LAMA2: variants seen among roughly 807,000 people sequenced by gnomAD.
LAMA2 encodes laminin subunit alpha 2, also known as laminin subunit alpha-2.
In LAMA2, 269 loss-of-function variants were observed where a neutral mutation model predicts 364.8. The observed-to-expected ratio is 0.74, with a 90% CI of 0.67 to 0.82. The LOEUF (loss-of-function observed/expected upper bound fraction) is 0.82. Among genes scored for constraint, LAMA2 ranks in the 40% least tolerant of loss-of-function variants. The pLI is 0.00. For synonymous variants in LAMA2, 1,379 were observed against 1,370.6 expected (o/e 1.01, Z -0.14); for missense variants, 3,807 against 3,873.2 (o/e 0.98, Z 0.45).
intron 6 of LAMA2, 116 bp downstream of exon 6, chr6:129,147,164 G>A (rs989771517): frequency 4.0e-6 from 3 of 749,710 alleles, no homozygotes; most frequent in Non-Finnish European, 4.9e-6. Flanking sequence ...CACTTAGACA[G>A]TGTAACAGAA....
In LAMA2 at chr6:129,388,268, A is replaced by AAAC. The variant is rs398002818; in HGVS notation, c.5072-3223_5072-3222insAAC. ...AAGACTCCATCTCAAAAAAAAAAAAACAAAAACAAACAAACAAAAAACTGG... is the reference window on the plus strand; with the variant it reads ...AAGACTCCATCTCAAAAAAAAAAAAAAACCAAAAACAAACAAACAAAAAACTGG... On this transcript the variant is annotated intron_variant, in intron 35 of 64. Transcript: ENST00000421865. 2.7e-3 allele frequency among the ~76,000 whole-genome samples: 408 copies of AAAC among 151,438 alleles called. 3 individuals carry two copies. The highest frequency in any genetic ancestry group is 9.7e-3 in the African/African-American group (401 of 41,326).
At chr6:129,254,798 C>G (rs752238203) in intron 14 of LAMA2, among the ~76,000 whole-genome samples, 1 of 152,148 alleles carries the variant, frequency 6.6e-6, no homozygotes, top group Non-Finnish European at 1.5e-5. Flanking sequence ...TTTAAATTAT[C>G]CAAGACTTGG....
At chr6:128,935,798 T>A (rs937987823) in intron 1 of LAMA2, among the ~76,000 whole-genome samples, 6 of 152,184 alleles carry the variant, frequency 3.9e-5, no homozygotes, top group African/African-American at 1.2e-4. Context: ...CTTGCCGAAT[T>A]GCTCTGACTA....
At chr6:129,507,706 G>C in intron 62 of LAMA2, 64 bp downstream of exon 62, 1 of 1,508,652 alleles carries the variant, frequency 6.6e-7, no homozygotes, top group African/African-American at 1.4e-5. Flanking sequence ...CTTCTTGCTA[G>C]TACCAAATAA....
intron 10 of LAMA2, among the ~76,000 whole-genome samples, chr6:129,185,619 A>T (rs941776486): frequency 1.3e-5 from 2 of 151,804 alleles, no homozygotes; most frequent in Non-Finnish European, 2.9e-5. Flanking sequence ...CATAAAATAT[A>T]TCTGGAGTAT....
intron 13 of LAMA2, 42 bp downstream of exon 13, chr6:129,250,255 G>A (rs757350424): frequency 1.7e-6 from 2 of 1,156,750 alleles, no homozygotes; most frequent in Admixed American, 1.7e-5. Context: ...ACTTCCTGAT[G>A]TTACTTAAGG....
intron 12 of LAMA2, among the ~76,000 whole-genome samples, chr6:129,220,316 A>C (rs1346204322): frequency 6.6e-6 from 1 of 152,240 alleles, no homozygotes; most frequent in Non-Finnish European, 1.5e-5. Flanking sequence ...AAAAAACACT[A>C]GTGCTTACCA....
intron 1 of LAMA2, among the ~76,000 whole-genome samples, chr6:128,978,840 A>C (rs1782688934): frequency 6.6e-6 from 1 of 152,194 alleles, no homozygotes; most frequent in Non-Finnish European, 1.5e-5. Context: ...AATTCGGGTA[A>C]GACAGAAGGT....
chr6:129,090,003 A>G (rs1206787877), intron 3 of LAMA2, among the ~76,000 whole-genome samples: 1 of 152,202 alleles, frequency 6.6e-6, no homozygotes, highest in African/African-American at 2.4e-5. Flanking sequence ...CCATTTATCA[A>G]GATAATTAAG....
At chr6:129,032,136 T>C (rs767479408) in intron 1 of LAMA2, among the ~76,000 whole-genome samples, 1 of 152,228 alleles carries the variant, frequency 6.6e-6, no homozygotes, top group Admixed American at 6.5e-5. Context: ...GAATTTCTTA[T>C]TGGAGAATCC....
intron 12 of LAMA2, among the ~76,000 whole-genome samples, chr6:129,248,222 A>G (rs2114268651): frequency 6.6e-6 from 1 of 152,312 alleles, no homozygotes; most frequent in East Asian, 1.9e-4. Context: ...GTTTTATCCC[A>G]AAACCCCTCC....
chr6:129,292,716 A>C, intron 20 of LAMA2: 5 of 757,890 alleles, frequency 6.6e-6, no homozygotes, highest in Non-Finnish European at 4.8e-6. Flanking sequence ...TACTGTAGGA[A>C]GTTTGAAAAT....
intron 40 of LAMA2, among the ~76,000 whole-genome samples, chr6:129,409,351 C>T (rs1780407679): frequency 6.6e-6 from 1 of 152,184 alleles, no homozygotes; most frequent in Non-Finnish European, 1.5e-5. Context: ...GGAGAGAAGG[C>T]AGGGTGGCAG....
chr6:128,909,739 C>G (rs1157301623), intron 1 of LAMA2, among the ~76,000 whole-genome samples: 1 of 151,808 alleles, frequency 6.6e-6, no homozygotes, highest in African/African-American at 2.4e-5. Context: ...TCTCGATGGT[C>G]TTTACATTTT....
At chr6:128,921,589 C>T (rs140167282) in intron 1 of LAMA2, among the ~76,000 whole-genome samples, 3 of 151,954 alleles carry the variant, frequency 2.0e-5, no homozygotes, top group Non-Finnish European at 4.4e-5. Flanking sequence ...CCAAGCAATG[C>T]CAAGGAAAGA....
chr6:128,939,654 T>A (rs1256393512), intron 1 of LAMA2, among the ~76,000 whole-genome samples: 1 of 151,978 alleles, frequency 6.6e-6, no homozygotes. Context: ...GTCCAAAATG[T>A]AGGGTCATTT....
Position 129,440,814 on chromosome 6 carries a change from A to C in LAMA2, c.6086-2A>C, listed in dbSNP as rs759055212. 1.2e-6 allele frequency: 2 copies of C among 1,613,420 alleles called. No homozygotes were observed. The highest frequency in any genetic ancestry group is 2.7e-5 in the African/African-American group (2 of 74,892). On this transcript the variant is annotated splice_acceptor_variant, in intron 42 of 64. Transcript: ENST00000421865. LOFTEE classifies it high-confidence loss of function. ...GTTTTTCATACCCTCATCTGCTGAC[A>C]GATACAGCTGCTAAACTGCAAGCTG...
intron 17 of LAMA2, among the ~76,000 whole-genome samples, chr6:129,279,127 A>G (rs748054347): frequency 1.3e-5 from 2 of 152,168 alleles, no homozygotes; most frequent in Non-Finnish European, 2.9e-5. Flanking sequence ...ATAATAAGAG[A>G]AAGATTAATT....
At chr6:129,348,879 A>G (rs549565771) in intron 30 of LAMA2, among the ~76,000 whole-genome samples, 1 of 152,200 alleles carries the variant, frequency 6.6e-6, no homozygotes, top group Non-Finnish European at 1.5e-5. Context: ...AAAAATTTAT[A>G]TAGATTTTAT....
Sources: allele counts gnomAD v4.1 joint callset (sites outside exome capture counted in the v4.1 genomes callset), GRCh38; gene constraint gnomAD v4.1.1; transcripts MANE v1.5; gene names NCBI Gene and HGNC (gene_info 2026-07-23, HGNC 2026-07-21).